PTBP2: variants seen among roughly 807,000 people sequenced by gnomAD.
PTBP2 encodes the protein polypyrimidine tract binding protein 2.
PTBP2 carries 13 observed loss-of-function variants against 61.4 expected under a neutral mutation model. The ratio of observed to expected loss-of-function variants is 0.21; its 90% confidence interval spans 0.14 to 0.34. The LOEUF (loss-of-function observed/expected upper bound fraction) is 0.34. Among genes scored for constraint, PTBP2 ranks in the 10% least tolerant of loss-of-function variants. PTBP2 has a pLI of 1.00. For synonymous variants in PTBP2, 215 were observed against 218.5 expected, an observed-to-expected ratio of 0.98 and a Z score of 0.14; for missense variants, 405 against 642.6, an observed-to-expected ratio of 0.63 and a Z score of 4.00.
At chr1:96,761,961 C>G (rs1398583164) in intron 3 of PTBP2, among the ~76,000 whole-genome samples, 1 of 151,704 alleles carries the variant, frequency 6.6e-6, no homozygotes, top group African/African-American at 2.4e-5. Context: ...ATGCTGCCTT[C>G]AAGCATCTGT....
rs1653702187 is a variant in PTBP2 at position 96,746,025 on chromosome 1, C to T, written c.40-5400C>T. On this transcript the variant is annotated intron_variant, in intron 2 of 13. Transcript: ENST00000674951. ...AGGTTGCAGTGAGCTGAGACCGCGC[C>T]ATTACACTCCAGCCTGTGTGACAGA... Among the ~76,000 whole-genome samples the T allele has an allele frequency of 2.0e-5, 3 of 149,490 alleles. No homozygotes were observed. The Admixed American group carries it at 2.0e-4, about 10-fold the overall frequency.
At chr1:96,746,193 T>C (rs547635981) in intron 2 of PTBP2, among the ~76,000 whole-genome samples, 19 of 152,316 alleles carry the variant, frequency 1.2e-4, no homozygotes, top group African/African-American at 4.1e-4. Context: ...TATTTAAAGG[T>C]ATAGGTATAT....
intron 8 of PTBP2, among the ~76,000 whole-genome samples, chr1:96,789,881 C>A (rs947642864): frequency 6.6e-6 from 1 of 152,020 alleles, no homozygotes; most frequent in African/African-American, 2.4e-5. Flanking sequence ...CATTTTCTTA[C>A]CAAACCATAA....
intron 2 of PTBP2, among the ~76,000 whole-genome samples, chr1:96,732,633 TA>T (rs1228735724): frequency 1.3e-5 from 2 of 152,150 alleles, no homozygotes; most frequent in Admixed American, 6.6e-5. Flanking sequence ...GTTAGAGAAA[TA>T]AGGACTCAAG....
chr1:96,821,598 CCA>C (rs1274953432), exon 14 of PTBP2: 2 of 151,664 alleles, frequency 1.3e-5, no homozygotes, highest in African/African-American at 4.8e-5. Context: ...GGATTACTAG[CCA>C]CATAAATTGC....
At chr1:96,725,855 G>A (rs541248428) in intron 2 of PTBP2, among the ~76,000 whole-genome samples, 15 of 151,546 alleles carry the variant, frequency 9.9e-5, no homozygotes, top group African/African-American at 2.9e-4. Flanking sequence ...CGAGGCGGGC[G>A]GATCACGAGT....
At chr1:96,722,154 T>G (rs964155355) in intron 1 of PTBP2, among the ~76,000 whole-genome samples, 2 of 151,416 alleles carry the variant, frequency 1.3e-5, no homozygotes, top group African/African-American at 4.9e-5. Context: ...CGGCGGGGGA[T>G]GGGGTGGGAA....
chr1:96,772,179 C>G (rs1303380052), intron 5 of PTBP2, among the ~76,000 whole-genome samples: 8 of 152,300 alleles, frequency 5.3e-5, no homozygotes, highest in South Asian at 4.1e-4. Flanking sequence ...GGGGTTCCCA[C>G]AACCCCCTTT....
At chr1:96,742,017 T>C (rs759945085) in intron 2 of PTBP2, among the ~76,000 whole-genome samples, 2 of 152,218 alleles carry the variant, frequency 1.3e-5, no homozygotes, top group Non-Finnish European at 2.9e-5. Context: ...CAAAACTTTG[T>C]TTTTCAAAAT....
rs1224956742 is a variant in PTBP2 at position 96,725,182 on chromosome 1, G to A, written c.39+1588G>A. ...AAAAGAATAAATGATACAAGTGTGA[G>A]TTGTCGACTGTTAGTGGAAAAGGAG... On this transcript the variant is annotated intron_variant, in intron 2 of 13. Coordinates refer to ENST00000674951, the MANE Select transcript of PTBP2 (RefSeq NM_021190.4). Among the ~76,000 whole-genome samples the A allele has an allele frequency of 2.6e-5, 4 of 152,172 alleles. No homozygotes were observed. The East Asian group carries it at 7.7e-4, about 29-fold the overall frequency.
intron 8 of PTBP2, among the ~76,000 whole-genome samples, chr1:96,791,836 T>TTTTG (rs1659858124): frequency 7.4e-6 from 1 of 135,992 alleles, no homozygotes; most frequent in African/African-American, 2.8e-5. Context: ...CTTTTTTTTT[T>TTTTG]TTTTTTTTTT....
chr1:96,756,384 G>T (rs1655162433), intron 3 of PTBP2, among the ~76,000 whole-genome samples: 1 of 152,210 alleles, frequency 6.6e-6, no homozygotes, highest in Non-Finnish European at 1.5e-5. Flanking sequence ...TGGGCAACAA[G>T]AGCGAGACTC....
intron 3 of PTBP2, among the ~76,000 whole-genome samples, chr1:96,765,482 A>G (rs1445094379): frequency 1.3e-5 from 2 of 152,166 alleles, no homozygotes; most frequent in African/African-American, 4.8e-5. Flanking sequence ...AGGCTGAGGC[A>G]GGTGGATCAC....
At chr1:96,726,573 G>A (rs1188034870) in intron 2 of PTBP2, among the ~76,000 whole-genome samples, 1 of 152,076 alleles carries the variant, frequency 6.6e-6, no homozygotes, top group East Asian at 1.9e-4. Flanking sequence ...AAGTAGCTGG[G>A]ACTACAGGCG....
rs766336467 is a variant in PTBP2 at position 96,723,606 on chromosome 1, C to T, written c.39+12C>T. The T allele has an allele frequency of 1.5e-5, 24 of 1,564,416 alleles. No homozygotes were observed. Among genetic ancestry groups the T allele is most frequent in the Non-Finnish European group, 1.9e-5 (22 of 1,144,808 alleles). On this transcript the variant is annotated intron_variant, in intron 2 of 13. Coordinates refer to ENST00000674951, the MANE Select transcript of PTBP2 (RefSeq NM_021190.4). Reference sequence around the variant, plus strand: ...CAGTTGGCGTGAAGGTAGGAAAATACTATGTTTGAAACTGGGATTGTTGGA... The same window carrying T: ...CAGTTGGCGTGAAGGTAGGAAAATATTATGTTTGAAACTGGGATTGTTGGA...
Position 96,806,970 on chromosome 1 carries a change from C to A in PTBP2, c.1171+12C>A. The A allele has an allele frequency of 1.3e-6, 2 of 1,582,466 alleles. No individual in the cohort carries two copies. The highest frequency in any genetic ancestry group is 1.7e-6 in the Non-Finnish European group (2 of 1,158,284). ...CCAATCACAACTTGGTAAGATTAAA[C>A]TATGTTTTATCTATACATCTTCACT... is the stretch of plus-strand genomic sequence containing the variant. On this transcript the variant is annotated intron_variant, in intron 11 of 13. Transcript: ENST00000674951.
At chr1:96,804,553 T>A (rs933930526) in intron 8 of PTBP2, among the ~76,000 whole-genome samples, 6 of 152,210 alleles carry the variant, frequency 3.9e-5, no homozygotes, top group African/African-American at 7.2e-5. Context: ...ATATATTTGA[T>A]ATTTTAACAT....
chr1:96,788,206 G>C (rs1423835948), intron 8 of PTBP2, among the ~76,000 whole-genome samples: 2 of 152,008 alleles, frequency 1.3e-5, no homozygotes, highest in Non-Finnish European at 2.9e-5. Flanking sequence ...AGGATGTACG[G>C]TAATTCTTAT....
intron 8 of PTBP2, among the ~76,000 whole-genome samples, chr1:96,799,772 T>A (rs991124270): frequency 2.4e-4 from 36 of 152,304 alleles, no homozygotes; most frequent in African/African-American, 8.4e-4. Context: ...AACAGAACTA[T>A]TTTCTAGAAT....
Sources: gnomAD v4.1 joint callset for allele counts (sites outside exome capture counted in the v4.1 genomes callset) on GRCh38, gnomAD v4.1.1 for gene constraint, MANE v1.5 for transcripts, NCBI Gene and HGNC (gene_info 2026-07-23, HGNC 2026-07-21) for gene names.